ZNF461: variants seen among roughly 807,000 people sequenced by gnomAD.
ZNF461 encodes the protein zinc finger protein 461.
In ZNF461, 16 loss-of-function variants were observed where a neutral mutation model predicts 18.3. That is an observed-to-expected ratio of 0.88 (90% confidence interval 0.59 to 1.33). The LOEUF (loss-of-function observed/expected upper bound fraction) is 1.33, where lower values mean the gene tolerates loss of function less well. Ranked by LOEUF, ZNF461 falls within the 40% of genes most tolerant of loss-of-function variation. ZNF461 has a pLI of 0.00. For synonymous variants in ZNF461, 179 were observed against 216.9 expected (o/e 0.83, Z 1.54); for missense variants, 595 against 669.9 (o/e 0.89, Z 1.23).
chr19:36,643,418 A>C (rs1460314558), intron 5 of ZNF461: 2 of 153,730 alleles, frequency 1.3e-5, no homozygotes, highest in African/African-American at 4.8e-5. Flanking sequence ...TTCATTTGTA[A>C]TATTACAAAT....
intron 5 of ZNF461, among the ~76,000 whole-genome samples, chr19:36,642,682 CTT>C (rs577387236): frequency 6.3e-4 from 57 of 90,696 alleles, no homozygotes; most frequent in Admixed American, 1.2e-3. Context: ...AGTTAGACTT[CTT>C]TTTTTTTTTT....
rs765980724 is a variant in ZNF461 at position 36,658,377 on chromosome 19, A to G, written c.58T>C (p.Trp20Arg). The G allele has an allele frequency of 6.2e-7, 1 of 1,611,680 alleles. No individual in the cohort carries two copies. Among genetic ancestry groups the G allele is most frequent in the South Asian group, 1.1e-5 (1 of 90,702 alleles). ...CTCTGCGCTGGGTTCAGGCATTCCC[A>G]TTCCTCCTGAGAGACATCTATAGCC... ...DVAIDVSQEE[W>R]ECLNPAQRNL... Residue 20 changes from tryptophan (W) to arginine (R), a missense_variant, in exon 3 of 6, where the codon TGG becomes CGG. By Grantham distance (101) the Trp-to-Arg change is moderately radical. Coordinates refer to ENST00000588268, the MANE Select transcript of ZNF461 (RefSeq NM_153257.5).
chr19:36,658,301 A>G lies in ZNF461; in HGVS notation c.134T>C (p.Leu45Pro). The G allele has an allele frequency of 1.2e-6, 2 of 1,606,860 alleles. No homozygotes were observed. Among genetic ancestry groups the G allele is most frequent in the Non-Finnish European group, 1.7e-6 (2 of 1,176,366 alleles). The change falls in exon 3 of 6, where the codon CTT (leucine) becomes CCT (proline). Residue 45 changes from leucine (L) to proline (P), a missense_variant and splice_region_variant. By Grantham distance (98) the Leu-to-Pro change is moderately conservative. Transcript: ENST00000588268. The part of the protein sequence containing the change: ...MLENYSNLVS[L>P]GLSVSKPAVI... ...TCTTAATTTTTAGATAACTTTACCAAGTGACACCAAGTTGCTATAATTCTC... is the reference window on the plus strand; with the variant it reads ...TCTTAATTTTTAGATAACTTTACCAGGTGACACCAAGTTGCTATAATTCTC...
intron 2 of ZNF461, among the ~76,000 whole-genome samples, chr19:36,661,220 A>G (rs2037813601): frequency 6.6e-6 from 1 of 152,004 alleles, no homozygotes; most frequent in Non-Finnish European, 1.5e-5. Context: ...CGAGGCTGCA[A>G]TAAGCTATGA....
intron 2 of ZNF461, among the ~76,000 whole-genome samples, chr19:36,660,851 T>A (rs1486897242): frequency 1.3e-5 from 2 of 151,750 alleles, no homozygotes; most frequent in Non-Finnish European, 2.9e-5. Flanking sequence ...TTAGAAATAG[T>A]AAACATAGGG....
chr19:36,651,233 G>GAAAAAA (rs34091845), intron 4 of ZNF461, among the ~76,000 whole-genome samples: 3 of 82,898 alleles, frequency 3.6e-5, no homozygotes, highest in South Asian at 4.4e-4. Context: ...TCCGTCTCAG[G>GAAAAAA]AAAAAAAAAA....
In ZNF461 at chr19:36,637,196, CTTTT is replaced by C. The variant is rs760688513; in HGVS notation, c.*1453_*1456del. 6.9e-6 allele frequency: 1 copy of C among 145,792 alleles called. No homozygotes were observed. The highest frequency in any genetic ancestry group is 1.5e-5 in the Non-Finnish European group (1 of 65,892). 9.0% of individuals were successfully genotyped at this position (145,792 alleles called of 1,614,324 possible). A position where few individuals can be genotyped will look rare whatever the true frequency, so the allele number is the denominator to read the frequency against. The stretch of plus-strand genomic sequence containing the variant: ...CTATTGGTTGTGTTTTGACAATTTT[CTTTT>C]TTTTTTTTCTTTTTGAGACAGAGTC... On this transcript the variant is annotated 3_prime_UTR_variant, in exon 6 of 6. Transcript: ENST00000588268.
chr19:36,654,731 GC>G (rs1037794694), intron 4 of ZNF461, among the ~76,000 whole-genome samples: 18 of 151,998 alleles, frequency 1.2e-4, no homozygotes, highest in African/African-American at 3.9e-4. Context: ...GAATGGATCT[GC>G]CCTTGGTCTA....
At chr19:36,651,003 G>A (rs1246676786) in intron 4 of ZNF461, among the ~76,000 whole-genome samples, 1 of 151,436 alleles carries the variant, frequency 6.6e-6, no homozygotes, top group Admixed American at 6.6e-5. Context: ...AGGCTGAGGC[G>A]GGTGGATCAC....
Position 36,658,407 on chromosome 19 carries a change from C to T in ZNF461, c.28G>A (p.Asp10Asn), listed in dbSNP as rs1490014667. 4 of 1,609,676 alleles carry T rather than the reference C, an allele frequency of 2.5e-6. No individual in the cohort carries two copies. The highest frequency in any genetic ancestry group is 3.4e-6 in the Non-Finnish European group (4 of 1,178,058). Residue 10 changes from aspartate to asparagine, a missense_variant, in exon 3 of 6, where the codon GAT becomes AAT. Coordinates refer to ENST00000588268, the MANE Select transcript of ZNF461 (RefSeq NM_153257.5). Reference protein sequence around the residue: MAHELVMFRDVAIDVSQEEW... With the variant: MAHELVMFRNVAIDVSQEEW... ...TCCTGAGAGACATCTATAGCCACAT[C>T]TCTGAACATCACCAACTCCTAAAAT... is the stretch of plus-strand genomic sequence containing the variant.
chr19:36,657,500 C>T (rs1332030497), intron 3 of ZNF461, among the ~76,000 whole-genome samples: 1 of 145,946 alleles, frequency 6.9e-6, no homozygotes, highest in East Asian at 2.1e-4. Flanking sequence ...TTAAAAAGGC[C>T]AGGTGCGGTG....
intron 3 of ZNF461, chr19:36,657,987 G>C (rs1424440967): frequency 3.6e-6 from 1 of 279,030 alleles, no homozygotes; most frequent in African/African-American, 2.2e-5. Context: ...CAGTGGAAGT[G>C]AAACAAAAGA....
At chr19:36,657,974 GCA>G in intron 3 of ZNF461, 1 of 261,636 alleles carries the variant, frequency 3.8e-6, no homozygotes, top group Non-Finnish European at 7.3e-6. Context: ...AGCAGATTTA[GCA>G]CAGTGGAAGT....
chr19:36,662,921 G>A (rs1252203697), intron 2 of ZNF461, among the ~76,000 whole-genome samples: 1 of 152,034 alleles, frequency 6.6e-6, no homozygotes, highest in Non-Finnish European at 1.5e-5. Context: ...ATGTGATTTA[G>A]TACTTCTATT....
rs2037330192 is a variant in ZNF461 at position 36,638,013 on chromosome 19, T to C, written c.*640A>G. The C allele has an allele frequency of 4.3e-6, 1 of 233,500 alleles. No homozygotes were observed. Among genetic ancestry groups the C allele is most frequent in the Non-Finnish European group, 8.6e-6 (1 of 115,918 alleles). The allele number at this position is 233,500 out of a possible 1,614,324, so 14.5% of individuals were successfully genotyped here. ...CGCCAGATACTCTTTAATCCCACTGTTGGGAATCTGCACAATAGAAACAAA... is the reference window on the plus strand; with the variant it reads ...CGCCAGATACTCTTTAATCCCACTGCTGGGAATCTGCACAATAGAAACAAA... On this transcript the variant is annotated 3_prime_UTR_variant, in exon 6 of 6. Coordinates refer to ENST00000588268, the MANE Select transcript of ZNF461 (RefSeq NM_153257.5).
chr19:36,642,181 C>T (rs2037437195), intron 5 of ZNF461, among the ~76,000 whole-genome samples: 1 of 152,198 alleles, frequency 6.6e-6, no homozygotes, highest in African/African-American at 2.4e-5. Context: ...ATTCTCCTGC[C>T]TCAGCCCCTC....
intron 3 of ZNF461, among the ~76,000 whole-genome samples, chr19:36,656,964 C>A (rs562842961): frequency 6.6e-5 from 10 of 151,840 alleles, no homozygotes; most frequent in Middle Eastern, 3.4e-3. Flanking sequence ...GGATTATAGG[C>A]GCACACCACT....
intron 4 of ZNF461, among the ~76,000 whole-genome samples, chr19:36,652,578 A>C (rs1686902470): frequency 1.3e-5 from 2 of 152,100 alleles, no homozygotes; most frequent in African/African-American, 4.8e-5. Context: ...TGAGTAGGCA[A>C]ACAGTTCTTA....
intron 5 of ZNF461, among the ~76,000 whole-genome samples, chr19:36,642,949 A>T (rs548103049): frequency 6.6e-6 from 1 of 151,824 alleles, no homozygotes; most frequent in African/African-American, 2.4e-5. Flanking sequence ...TTGTAGTTTT[A>T]GTTGAGATGG....
Sources: allele counts gnomAD v4.1 joint callset (sites outside exome capture counted in the v4.1 genomes callset), GRCh38; gene constraint gnomAD v4.1.1; transcripts MANE v1.5; gene names NCBI Gene and HGNC (gene_info 2026-07-23, HGNC 2026-07-21).